KCNN3: variants seen among roughly 807,000 people sequenced by gnomAD.
KCNN3 encodes the protein small conductance calcium-activated potassium channel protein 3.
KCNN3 carries 16 observed loss-of-function variants against 62.9 expected under a neutral mutation model. The ratio of observed to expected loss-of-function variants is 0.25; its 90% CI spans 0.17 to 0.39. The LOEUF is 0.39. Ranked by LOEUF, KCNN3 falls within the 10% of genes least tolerant of loss-of-function variation. The pLI is 1.00. For synonymous variants in KCNN3, 370 were observed against 389.2 expected (o/e 0.95, Z 0.58); for missense variants, 599 against 949.4 (o/e 0.63, Z 4.85).
At chr1:154,822,272 G>T in intron 1 of KCNN3, 88 bp from the exon 2 acceptor site, 1 of 981,598 alleles carries the variant, frequency 1.0e-6, no homozygotes, top group Non-Finnish European at 1.6e-6. Context: ...GAGAAGGGGT[G>T]GGGACACAGG....
chr1:154,822,954 G>A (rs1236268290), intron 1 of KCNN3, among the ~76,000 whole-genome samples: 1 of 152,176 alleles, frequency 6.6e-6, no homozygotes, highest in African/African-American at 2.4e-5. Context: ...CCAGCCCTGC[G>A]ACAGCCATTT....
chr1:154,783,085 C>CACAT lies in KCNN3; in HGVS notation c.1030-10693_1030-10692insATGT, dbSNP rs1387214431. On this transcript the variant is annotated intron_variant, in intron 2 of 7. Coordinates refer to ENST00000271915, the MANE Select transcript of KCNN3 (RefSeq NM_002249.6). The stretch of plus-strand genomic sequence containing the variant: ...AAAACTAGCCGGGCGTGGTGGTGGG[C>CACAT]GCCTGTAGTCCCAGCTACTCGGGAG... 1.8e-4 allele frequency among the ~76,000 whole-genome samples: 27 copies of CACAT among 151,544 alleles called. No homozygotes were observed. The East Asian group carries it at 4.3e-3, about 24-fold the overall frequency.
At position 154,698,341 on chromosome 1, in the gene KCNN3, G is replaced by A. The variant is rs1699781181; in HGVS notation, c.*9635C>T. 1 of 152,218 alleles carries A rather than the reference G, an allele frequency of 6.6e-6. No homozygotes were observed. Among genetic ancestry groups the A allele is most frequent in the Non-Finnish European group, 1.5e-5 (1 of 68,044 alleles). 9.4% of individuals were successfully genotyped at this position (152,218 alleles called of 1,614,324 possible). The stretch of plus-strand genomic sequence containing the variant: ...CAATTCCACAAATGTGCCTGCAGCT[G>A]TGAGGACAGCTGGAGAGATCTGTTG... On this transcript the variant is annotated 3_prime_UTR_variant, in exon 8 of 8. Transcript: ENST00000271915.
At chr1:154,812,843 A>G (rs2101885529) in intron 2 of KCNN3, among the ~76,000 whole-genome samples, 1 of 152,312 alleles carries the variant, frequency 6.6e-6, no homozygotes, top group African/African-American at 2.4e-5. Flanking sequence ...GGGCAGAGGC[A>G]AGGCTATTAA....
rs115896846 is a variant in KCNN3, at chr1:154,738,962, T to C, written c.1449-5818A>G. 4.6e-3 allele frequency among the ~76,000 whole-genome samples: 695 copies of C among 152,172 alleles called. 8 individuals carry two copies. Among genetic ancestry groups the C allele is most frequent in the African/African-American group, 0.016 (646 of 41,518 alleles). ...TTATGATGTAATTATAAAAGGAAGATGAAGGGAGAGGAAGAGTTGGAGGAG... is the reference window on the plus strand; with the variant it reads ...TTATGATGTAATTATAAAAGGAAGACGAAGGGAGAGGAAGAGTTGGAGGAG... On this transcript the variant is annotated intron_variant, in intron 3 of 7. Coordinates refer to ENST00000271915, the MANE Select transcript of KCNN3 (RefSeq NM_002249.6).
chr1:154,720,994 G>T (rs1329184731), intron 5 of KCNN3, among the ~76,000 whole-genome samples: 1 of 152,246 alleles, frequency 6.6e-6, no homozygotes, highest in Admixed American at 6.5e-5. Context: ...GCGTCTGGAA[G>T]AACACGATGT....
chr1:154,761,581 T>G (rs1424566912), intron 3 of KCNN3, among the ~76,000 whole-genome samples: 1 of 152,196 alleles, frequency 6.6e-6, no homozygotes, highest in Admixed American at 6.5e-5. Context: ...TAATGCTATT[T>G]TGTACGCTCC....
chr1:154,866,934 A>C (rs1230452714), intron 1 of KCNN3, among the ~76,000 whole-genome samples: 1 of 152,222 alleles, frequency 6.6e-6, no homozygotes, highest in Non-Finnish European at 1.5e-5. Flanking sequence ...CTGATCCTGC[A>C]GAGTGGTGAC....
intron 5 of KCNN3, among the ~76,000 whole-genome samples, chr1:154,718,999 T>C (rs1415428115): frequency 6.6e-6 from 1 of 152,174 alleles, no homozygotes; most frequent in Non-Finnish European, 1.5e-5. Flanking sequence ...CAGCATCCCA[T>C]GTCAATGACT....
rs370432155 is a variant in KCNN3, at chr1:154,713,418, C to G, written c.1899+46G>C. The G allele has an allele frequency of 7.4e-6, 11 of 1,485,446 alleles. No homozygotes were observed. The Admixed American group carries it at 1.0e-4, about 14-fold the overall frequency. The allele number at this position is 1,485,446 out of a possible 1,614,324, so 92.0% of individuals were successfully genotyped here. On this transcript the variant is annotated intron_variant, in intron 7 of 7. Transcript: ENST00000271915. ...ACTCACAGGTGAGCCTGAGAAGACT[C>G]AGTGTCTGCGTGTTCTAGGGGATGT... is the stretch of plus-strand genomic sequence containing the variant.
At chr1:154,729,089 A>T (rs530144200) in intron 4 of KCNN3, among the ~76,000 whole-genome samples, 8 of 152,314 alleles carry the variant, frequency 5.3e-5, no homozygotes, top group African/African-American at 1.7e-4. Context: ...TTTAAGAGAC[A>T]AATCACCGAG....
At chr1:154,804,450 C>T (rs540872347) in intron 2 of KCNN3, among the ~76,000 whole-genome samples, 7 of 152,180 alleles carry the variant, frequency 4.6e-5, no homozygotes, top group Non-Finnish European at 7.4e-5. Context: ...TTTATTATTC[C>T]ACAGCAACGT....
Position 154,772,183 on chromosome 1 carries a change from G to A in KCNN3, c.1240C>T (p.Arg414Cys), listed in dbSNP as rs750909377. The A allele has an allele frequency of 2.5e-6, 4 of 1,614,222 alleles. No individual in the cohort carries two copies. Among genetic ancestry groups the A allele is most frequent in the South Asian group, 1.1e-5 (1 of 91,082 alleles). ...ATGACTCGGGCGATCAGGTACAGGC[G>A]CAGGAACATGGGGATAGACAGGATG... ...DIILSIPMFL[R>C]LYLIARVMLL... Residue 414 changes from arginine (R) to cysteine (C), a missense_variant, in exon 3 of 8, where the codon CGC becomes TGC. Coordinates refer to ENST00000271915, the MANE Select transcript of KCNN3 (RefSeq NM_002249.6). The surrounding 1 kb of genome is among the most constrained non-coding windows in gnomAD (Gnocchi z 5.6).
chr1:154,770,347 T>A (rs922360134), intron 3 of KCNN3, among the ~76,000 whole-genome samples: 3 of 152,170 alleles, frequency 2.0e-5, no homozygotes, highest in African/African-American at 7.2e-5. Flanking sequence ...GCCAAAACGC[T>A]GAAAGAAATG....
chr1:154,788,170 T>G (rs1174212862), intron 2 of KCNN3, among the ~76,000 whole-genome samples: 1 of 152,182 alleles, frequency 6.6e-6, no homozygotes, highest in African/African-American at 2.4e-5. Context: ...AGCAGCTGCA[T>G]TTTCTAGTTA....
intron 5 of KCNN3, among the ~76,000 whole-genome samples, chr1:154,715,829 GTAAA>G (rs34423987): frequency 0.11 from 16,696 of 152,140 alleles, 1,118 homozygotes; most frequent in Non-Finnish European, 0.14. Flanking sequence ...GGTTCAGAGA[GTAAA>G]CAGATTTCCT....
chr1:154,847,979 C>T (rs757756545), intron 1 of KCNN3, among the ~76,000 whole-genome samples: 1 of 152,196 alleles, frequency 6.6e-6, no homozygotes. Context: ...CAGCACGCTG[C>T]TGCTGTCCTC....
intron 3 of KCNN3, among the ~76,000 whole-genome samples, chr1:154,740,604 C>T (rs897452548): frequency 6.6e-6 from 1 of 152,250 alleles, no homozygotes; most frequent in African/African-American, 2.4e-5. Flanking sequence ...ATTAGGCTTC[C>T]ACCAGAGGTG....
chr1:154,803,869 A>G (rs1346754397), intron 2 of KCNN3, among the ~76,000 whole-genome samples: 1 of 152,232 alleles, frequency 6.6e-6, no homozygotes, highest in Non-Finnish European at 1.5e-5. Context: ...TCACACACCA[A>G]GGATTCACCC....
Sources: allele counts gnomAD v4.1 joint callset (sites outside exome capture counted in the v4.1 genomes callset), GRCh38; gene constraint gnomAD v4.1.1; non-coding constraint Gnocchi (gnomAD v3.1); transcripts MANE v1.5; gene names NCBI Gene and HGNC (gene_info 2026-07-23, HGNC 2026-07-21).